The following CCDC6 variants were observed in gnomAD, a reference collection of about 807,000 sequenced individuals.
The protein encoded by CCDC6 is coiled-coil domain containing 6.
In CCDC6, 20 loss-of-function variants were observed where a neutral mutation model predicts 56.6. The ratio of observed to expected loss-of-function variants is 0.35; its 90% CI spans 0.25 to 0.51. The LOEUF (loss-of-function observed/expected upper bound fraction) is 0.51, where lower values mean the gene tolerates loss of function less well. Ranked by LOEUF, CCDC6 falls within the 20% of genes least tolerant of loss-of-function variation. The pLI, the probability that CCDC6 is intolerant of heterozygous loss-of-function variation, is 0.95. For synonymous variants in CCDC6, 241 were observed against 234.4 expected (o/e 1.03, Z -0.26); for missense variants, 367 against 601.1 (o/e 0.61, Z 4.07).
At chr10:59,811,322 T>C (rs1458622337) in intron 5 of CCDC6, among the ~76,000 whole-genome samples, 1 of 152,220 alleles carries the variant, frequency 6.6e-6, no homozygotes, top group African/African-American at 2.4e-5. Flanking sequence ...TAGGAACCAC[T>C]GAACTTTTTA....
rs1174504523 is a variant in CCDC6, at chr10:59,807,072, T to C, written c.854A>G (p.Glu285Gly). 6.2e-7 allele frequency: 1 copy of C among 1,612,922 alleles called. No homozygotes were observed. Among genetic ancestry groups the C allele is most frequent in the Non-Finnish European group, 8.5e-7 (1 of 1,179,700 alleles). The change falls in exon 6 of 9, where the codon GAG becomes GGG. Residue 285 changes from glutamate (E) to glycine (G), a missense_variant. Transcript: ENST00000263102. ...CTCCTCCAGATACTGTGCCATTTTCTCTGAATCTGAAAAGTCAGAGTTTTC... is the reference window on the plus strand; with the variant it reads ...CTCCTCCAGATACTGTGCCATTTTCCCTGAATCTGAAAAGTCAGAGTTTTC... The part of the protein sequence containing the change: ...QLRAAQLQHS[E>G]KMAQYLEEER...
chr10:59,822,687 G>A (rs2070757920), intron 3 of CCDC6, among the ~76,000 whole-genome samples: 1 of 152,100 alleles, frequency 6.6e-6, no homozygotes, highest in African/African-American at 2.4e-5. Context: ...TTGAACCGAG[G>A]AATTTGAGAC....
chr10:59,842,487 G>A (rs1464638115), intron 2 of CCDC6, among the ~76,000 whole-genome samples: 1 of 152,122 alleles, frequency 6.6e-6, no homozygotes, highest in Non-Finnish European at 1.5e-5. Context: ...TTCTGTGAAT[G>A]TGGCAAATTA....
rs1172379933 is a variant in CCDC6, at chr10:59,876,073, C to CTTTTTTTTTTTTTTTTTTTTT, written c.304-23372_304-23371insAAAAAAAAAAAAAAAAAAAAA. 5.1e-5 allele frequency among the ~76,000 whole-genome samples: 5 copies of CTTTTTTTTTTTTTTTTTTTTT among 97,586 alleles called. 2 individuals carry two copies. The highest frequency in any genetic ancestry group is 9.6e-5 in the Non-Finnish European group (5 of 51,878). The allele number at this position is 97,586 out of a possible 152,430, so 64.0% of individuals were successfully genotyped here. A position where few individuals can be genotyped will look rare whatever the true frequency, so the allele number is the denominator to read the frequency against. On this transcript the variant is annotated intron_variant, in intron 1 of 8. Transcript: ENST00000263102. ...CATACACGAGTGCATGCACAGATGT[C>CTTTTTTTTTTTTTTTTTTTTT]TTTTTTTTTTTTTTTTTTCAGATCG...
chr10:59,836,167 T>C (rs542476643), intron 2 of CCDC6, among the ~76,000 whole-genome samples: 8 of 151,224 alleles, frequency 5.3e-5, no homozygotes, highest in South Asian at 2.1e-4. Flanking sequence ...AATGTGTGCA[T>C]AGGGACCTTG....
chr10:59,847,964 C>T (rs2071007305), intron 2 of CCDC6, among the ~76,000 whole-genome samples: 2 of 152,028 alleles, frequency 1.3e-5, no homozygotes, highest in African/African-American at 2.4e-5. Context: ...TGTGTTCTCC[C>T]CACGTCTATG....
intron 7 of CCDC6, among the ~76,000 whole-genome samples, chr10:59,802,055 T>G (rs544030710): frequency 6.6e-6 from 1 of 152,322 alleles, no homozygotes; most frequent in East Asian, 1.9e-4. Context: ...ACCTCATTAT[T>G]GCCTATCCCT....
intron 1 of CCDC6, among the ~76,000 whole-genome samples, chr10:59,865,941 A>G (rs2071173341): frequency 6.6e-6 from 1 of 151,778 alleles, no homozygotes; most frequent in Admixed American, 6.6e-5. Context: ...GGAACCCTAA[A>G]TTTCTAAATA....
chr10:59,794,379 G>C, intron 8 of CCDC6, 94 bp downstream of exon 8: 1 of 1,270,632 alleles, frequency 7.9e-7, no homozygotes, highest in South Asian at 1.4e-5. Flanking sequence ...AGGAAGAAGG[G>C]CAAATGTCTA....
chr10:59,883,789 T>C (rs1285903900), intron 1 of CCDC6, among the ~76,000 whole-genome samples: 1 of 152,200 alleles, frequency 6.6e-6, no homozygotes, highest in African/African-American at 2.4e-5. Flanking sequence ...CCCTATCACA[T>C]ATACTGATGG....
chr10:59,899,452 G>A (rs545542844), intron 1 of CCDC6, among the ~76,000 whole-genome samples: 1 of 152,288 alleles, frequency 6.6e-6, no homozygotes, highest in Admixed American at 6.5e-5. Flanking sequence ...CATGATTTAA[G>A]GAAAACACAC....
intron 1 of CCDC6, among the ~76,000 whole-genome samples, chr10:59,864,942 G>A (rs1447305454): frequency 3.3e-5 from 5 of 152,170 alleles, no homozygotes; most frequent in East Asian, 3.8e-4. Flanking sequence ...TGAGTATATC[G>A]GTGTTCTGTG....
At chr10:59,872,242 T>C (rs2071235811) in intron 1 of CCDC6, among the ~76,000 whole-genome samples, 1 of 152,260 alleles carries the variant, frequency 6.6e-6, no homozygotes, top group African/African-American at 2.4e-5. Flanking sequence ...TTTCCAATGC[T>C]TCTGCCCTTT....
At chr10:59,823,644 G>C (rs2070764259) in intron 3 of CCDC6, among the ~76,000 whole-genome samples, 1 of 141,374 alleles carries the variant, frequency 7.1e-6, no homozygotes, top group Admixed American at 7.0e-5. Flanking sequence ...ATCCAAAATG[G>C]AAGTTTTGGA....
Position 59,793,402 on chromosome 10 carries a change from T to C in CCDC6, c.1231-291A>G, listed in dbSNP as rs147455169. Reference sequence around the variant, plus strand: ...GAGCTGTAAAATATCCCCTTAAATCTTTCTTTCCGTGTGTGTCACCAATTC... The same window carrying C: ...GAGCTGTAAAATATCCCCTTAAATCCTTCTTTCCGTGTGTGTCACCAATTC... On this transcript the variant is annotated intron_variant, in intron 8 of 8. Transcript: ENST00000263102. Among the ~76,000 whole-genome samples the C allele has an allele frequency of 3.9e-5, 6 of 152,342 alleles. No homozygotes were observed. In the Middle Eastern group the frequency reaches 0.014, roughly 345 times the overall value.
At chr10:59,872,209 C>T (rs1028617698) in intron 1 of CCDC6, among the ~76,000 whole-genome samples, 1 of 152,250 alleles carries the variant, frequency 6.6e-6, no homozygotes, top group Non-Finnish European at 1.5e-5. Flanking sequence ...CATCTCTCTA[C>T]TGCCTGACAT....
In CCDC6 at chr10:59,820,144, G is replaced by C. The variant is rs980168171; in HGVS notation, c.583-5389C>G. Among the ~76,000 whole-genome samples, 5 of 152,242 alleles carry C rather than the reference G, an allele frequency of 3.3e-5. 1 individual carries two copies. The South Asian group carries it at 6.2e-4, about 19-fold the overall frequency. ...TAGACAGATCCTGACCAAAGAAGCA[G>C]AAAGGGAGTGGGCCAGCCCAGAGGT... On this transcript the variant is annotated intron_variant, in intron 3 of 8. Coordinates refer to ENST00000263102, the MANE Select transcript of CCDC6 (RefSeq NM_005436.5).
At chr10:59,905,337 C>T (rs2132692326) in intron 1 of CCDC6, among the ~76,000 whole-genome samples, 1 of 152,272 alleles carries the variant, frequency 6.6e-6, no homozygotes, top group South Asian at 2.1e-4. Context: ...AGTATCTAGA[C>T]TCAGAAGCAA....
intron 1 of CCDC6, among the ~76,000 whole-genome samples, chr10:59,877,110 TACAC>T (rs570291442): frequency 4.1e-4 from 63 of 152,336 alleles, no homozygotes; most frequent in African/African-American, 1.5e-3. Flanking sequence ...ACGACTGTCT[TACAC>T]ACAGTCCATC....
Sources: allele counts gnomAD v4.1 joint callset (sites outside exome capture counted in the v4.1 genomes callset), GRCh38; gene constraint gnomAD v4.1.1; transcripts MANE v1.5; gene names NCBI Gene and HGNC (gene_info 2026-07-23, HGNC 2026-07-21).